Variants in CAMK1D observed in about 807,000 individuals in gnomAD.
CAMK1D encodes the protein calcium/calmodulin-dependent protein kinase type 1D.
Under a neutral mutation model 47.7 loss-of-function variants are expected in CAMK1D, and 9 were observed. The ratio of observed to expected loss-of-function variants is 0.19; its 90% CI spans 0.11 to 0.33. The LOEUF is 0.33. Among genes scored for constraint, CAMK1D ranks in the 10% least tolerant of loss-of-function variants. The pLI is 1.00. For missense variants in CAMK1D, 291 were observed against 488.7 expected (o/e 0.60, Z 3.81); for synonymous variants, 184 against 184.9 (o/e 0.99, Z 0.04).
In CAMK1D at chr10:12,831,705, A is replaced by G. The variant is rs893478499; in HGVS notation, c.*2818A>G. The stretch of plus-strand genomic sequence containing the variant: ...GTGACTGGTTTCAGCCCAAGAGTCA[A>G]CTGTTGAGCATGACATCAGGAAGCC... On this transcript the variant is annotated 3_prime_UTR_variant, in exon 11 of 11. Transcript: ENST00000619168. 10 of 152,168 alleles carry G rather than the reference A, an allele frequency of 6.6e-5. No homozygotes were observed. The highest frequency in any genetic ancestry group is 2.2e-4 in the African/African-American group (9 of 41,432). 9.4% of individuals were successfully genotyped at this position (152,168 alleles called of 1,614,324 possible).
chr10:12,500,830 A>G lies in CAMK1D; in HGVS notation c.93-52395A>G, dbSNP rs114990074. 5.0e-3 allele frequency among the ~76,000 whole-genome samples: 765 copies of G among 152,374 alleles called. 10 individuals are homozygous for G. Among genetic ancestry groups the G allele is most frequent in the African/African-American group, 0.017 (722 of 41,578 alleles). On this transcript the variant is annotated intron_variant, in intron 1 of 10. Coordinates refer to ENST00000619168, the MANE Select transcript of CAMK1D (RefSeq NM_153498.4). ...CTCTTACTTGTTGATTAAAAATGAC[A>G]TGATCAAATTCTCTTGTTAGCATGA...
rs1833129145 is a variant in CAMK1D, at chr10:12,824,534, T to C, written c.903T>C (p.Phe301=). The change falls in exon 9 of 11, where the codon TTT becomes TTC. Residue 301 remains phenylalanine (F), a synonymous_variant. Coordinates refer to ENST00000619168, the MANE Select transcript of CAMK1D (RefSeq NM_153498.4). Reference sequence around the variant, plus strand: ...TCAGCGCCCAGATCCGGAAAAACTTTGCCAAGAGCAAATGGAGAGTAAGTG... The same window carrying C: ...TCAGCGCCCAGATCCGGAAAAACTTCGCCAAGAGCAAATGGAGAGTAAGTG... ...ESVSAQIRKN[F]AKSKWRQAFN... is the part of the protein sequence containing the mutation. 1 of 1,614,060 alleles carries C rather than the reference T, an allele frequency of 6.2e-7. No individual in the cohort carries two copies. Among genetic ancestry groups the C allele is most frequent in the Non-Finnish European group, 8.5e-7 (1 of 1,179,958 alleles).
chr10:12,506,911 G>A (rs1033671544), intron 1 of CAMK1D, among the ~76,000 whole-genome samples: 1 of 152,200 alleles, frequency 6.6e-6, no homozygotes, highest in Non-Finnish European at 1.5e-5. Flanking sequence ...AGTTCCTAGC[G>A]TGATGCTCCA....
At chr10:12,815,650 C>T (rs1242438377) in intron 7 of CAMK1D, among the ~76,000 whole-genome samples, 2 of 152,266 alleles carry the variant, frequency 1.3e-5, no homozygotes, top group East Asian at 1.9e-4. Flanking sequence ...CAGCCCCTCA[C>T]TTTCCCAGGG....
intron 3 of CAMK1D, among the ~76,000 whole-genome samples, chr10:12,688,381 A>G (rs1832739134): frequency 6.6e-6 from 1 of 152,244 alleles, no homozygotes; most frequent in Non-Finnish European, 1.5e-5. Flanking sequence ...TTATTGAAAT[A>G]TGATTAAATA....
intron 2 of CAMK1D, among the ~76,000 whole-genome samples, chr10:12,613,805 A>G (rs1838703419): frequency 6.6e-6 from 1 of 152,228 alleles, no homozygotes; most frequent in African/African-American, 2.4e-5. Context: ...TTGTAGGGGC[A>G]GAAACATCAC....
chr10:12,376,210 A>G (rs1000766614), intron 1 of CAMK1D, among the ~76,000 whole-genome samples: 2 of 148,826 alleles, frequency 1.3e-5, no homozygotes, highest in Non-Finnish European at 3.0e-5. Flanking sequence ...TAAGATGTCT[A>G]TGGCGTTTGA....
chr10:12,826,327 A>G (rs184835894), intron 10 of CAMK1D, among the ~76,000 whole-genome samples: 1 of 152,168 alleles, frequency 6.6e-6, no homozygotes, highest in Non-Finnish European at 1.5e-5. Context: ...GGATTGAGGA[A>G]GGGAGAGCAG....
At chr10:12,765,251 A>G (rs1237558530) in intron 4 of CAMK1D, among the ~76,000 whole-genome samples, 2 of 152,208 alleles carry the variant, frequency 1.3e-5, no homozygotes, top group African/African-American at 4.8e-5. Context: ...TTTAGTTTCT[A>G]TTAAAGAACA....
chr10:12,387,433 AT>A (rs374151910), intron 1 of CAMK1D, among the ~76,000 whole-genome samples: 1 of 53,744 alleles, frequency 1.9e-5, no homozygotes, highest in African/African-American at 6.6e-5. Flanking sequence ...TATTTTATAT[AT>A]TATATATATT....
In CAMK1D at chr10:12,454,577, C is replaced by T. The variant is rs1054415238; in HGVS notation, c.93-98648C>T. Among the ~76,000 whole-genome samples, 9 of 152,236 alleles carry T rather than the reference C, an allele frequency of 5.9e-5. 1 individual carries two copies. The highest frequency in any genetic ancestry group is 2.2e-4 in the African/African-American group (9 of 41,452). ...TCCTGGGCTCAAGCGATTCTCCTGC[C>T]TCAGCCTCCCGAGTAGCTGGGACTA... On this transcript the variant is annotated intron_variant, in intron 1 of 10. Transcript: ENST00000619168.
At chr10:12,597,129 CT>C (rs1419930075) in intron 2 of CAMK1D, among the ~76,000 whole-genome samples, 1 of 152,098 alleles carries the variant, frequency 6.6e-6, no homozygotes, top group Non-Finnish European at 1.5e-5. Context: ...TGTGGGGAAG[CT>C]TAGCACTTCT....
At position 12,398,447 on chromosome 10, in the gene CAMK1D, C is replaced by T. The variant is rs146133181; in HGVS notation, c.92+48537C>T. Among the ~76,000 whole-genome samples, 335 of 152,294 alleles carry T rather than the reference C, an allele frequency of 2.2e-3. 1 individual carries two copies. The highest frequency in any genetic ancestry group is 7.2e-3 in the African/African-American group (299 of 41,552). Reference sequence around the variant, plus strand: ...CACTGCAACCGCTGCCTCCGGAGTTCGAGTGATTCTCCTGCCTCAGACTCC... The same window carrying T: ...CACTGCAACCGCTGCCTCCGGAGTTTGAGTGATTCTCCTGCCTCAGACTCC... On this transcript the variant is annotated intron_variant, in intron 1 of 10. Transcript: ENST00000619168.
At chr10:12,408,496 T>C (rs7100726) in intron 1 of CAMK1D, among the ~76,000 whole-genome samples, 37,940 of 152,058 alleles carry the variant, frequency 0.25, 4,870 homozygotes, top group Middle Eastern at 0.31. Flanking sequence ...TTCAATGTTG[T>C]GTTTGAGACA....
intron 5 of CAMK1D, among the ~76,000 whole-genome samples, chr10:12,789,660 C>T (rs1588930229): frequency 6.6e-6 from 1 of 152,186 alleles, no homozygotes; most frequent in Non-Finnish European, 1.5e-5. Context: ...TAACGTTGGC[C>T]AACTTACCTG....
chr10:12,541,508 CGTGT>C (rs1359054304), intron 1 of CAMK1D, among the ~76,000 whole-genome samples: 10 of 152,256 alleles, frequency 6.6e-5, no homozygotes, highest in Non-Finnish European at 8.8e-5. Context: ...GGATTACAGG[CGTGT>C]GCCACCACGC....
At chr10:12,440,590 A>T (rs1416070465) in intron 1 of CAMK1D, among the ~76,000 whole-genome samples, 1 of 152,052 alleles carries the variant, frequency 6.6e-6, no homozygotes, top group Admixed American at 6.5e-5. Flanking sequence ...GCCCAGCCAG[A>T]TACCTGTTTT....
chr10:12,413,478 G>C (rs1839735232), intron 1 of CAMK1D, among the ~76,000 whole-genome samples: 1 of 358 alleles, frequency 2.8e-3, no homozygotes, highest in African/African-American at 8.1e-3. Context: ...TGGGGTGTAT[G>C]TTTTGTGATG....
chr10:12,511,784 G>A (rs888630954), intron 1 of CAMK1D, among the ~76,000 whole-genome samples: 1 of 152,228 alleles, frequency 6.6e-6, no homozygotes, highest in Non-Finnish European at 1.5e-5. Context: ...CAGAAGGATC[G>A]GCTCTCCTGG....
Sources: allele counts gnomAD v4.1 joint callset (sites outside exome capture counted in the v4.1 genomes callset), GRCh38; gene constraint gnomAD v4.1.1; transcripts MANE v1.5; gene names NCBI Gene and HGNC (gene_info 2026-07-23, HGNC 2026-07-21).